The following TMPRSS9 variants were observed in gnomAD, a reference collection of about 807,000 sequenced individuals.
TMPRSS9 encodes transmembrane serine protease 9.
In TMPRSS9, 113 loss-of-function variants were observed where a neutral mutation model predicts 111.4. That is an observed-to-expected ratio of 1.01 (90% CI 0.87 to 1.19). TMPRSS9 has a LOEUF of 1.19. Among genes scored for constraint, TMPRSS9 ranks in the 50% most tolerant of loss-of-function variants. The probability of loss-of-function intolerance (pLI) is 0.00; values close to 1 mark genes in which losing one functional copy is unlikely to be tolerated. For missense variants in TMPRSS9, 1,803 were observed against 1,513.1 expected (o/e 1.19, Z -3.18); for synonymous variants, 805 against 659.1 (o/e 1.22, Z -3.39).
At position 2,374,248 on chromosome 19, in the gene TMPRSS9, CTTTTTTTTTTTTTTTTTTTTT is replaced by C. The variant is rs1027376774; in HGVS notation, c.-26+13905_-26+13925del. On this transcript the variant is annotated intron_variant, in intron 1 of 17. Transcript: ENST00000649857. ...TTTCATGCTGATTTCTCTCAACAAT[CTTTTTTTTTTTTTTTTTTTTT>C]TTTTTTTTTTTTTTTTAAAGAGGTA... 7.4e-4 allele frequency among the ~76,000 whole-genome samples: 52 copies of C among 70,430 alleles called. No individual in the cohort carries two copies. In the South Asian group the frequency reaches 0.022, roughly 30 times the overall value. 46.2% of individuals were successfully genotyped at this position (70,430 alleles called of 152,430 possible). A position where few individuals can be genotyped will look rare whatever the true frequency, so the allele number is the denominator to read the frequency against.
At chr19:2,415,276 C>T (rs1202629806) in intron 10 of TMPRSS9, among the ~76,000 whole-genome samples, 3 of 152,074 alleles carry the variant, frequency 2.0e-5, no homozygotes, top group Non-Finnish European at 4.4e-5. Context: ...ACACCCCACA[C>T]TCTGTTCCGA....
At chr19:2,380,598 CAAA>C (rs112276283) in intron 1 of TMPRSS9, among the ~76,000 whole-genome samples, 6 of 110,826 alleles carry the variant, frequency 5.4e-5, no homozygotes, top group Admixed American at 2.1e-4. Flanking sequence ...AAGACTCCAC[CAAA>C]AAAAAAAAAA....
chr19:2,367,242 A>G (rs1047150218), intron 1 of TMPRSS9, among the ~76,000 whole-genome samples: 1 of 152,198 alleles, frequency 6.6e-6, no homozygotes, highest in Admixed American at 6.6e-5. Context: ...AAAAACCACC[A>G]CATCTATAAC....
At chr19:2,387,472 T>G (rs1454659785), upstream of TMPRSS9, among the ~76,000 whole-genome samples, 2 of 147,622 alleles carry the variant, frequency 1.4e-5, no homozygotes, top group Admixed American at 1.4e-4. Flanking sequence ...TCCAGCCAGG[T>G]CAACAAGAGT....
intron 1 of TMPRSS9, among the ~76,000 whole-genome samples, chr19:2,363,081 C>T (rs1488472061): frequency 6.6e-6 from 1 of 152,208 alleles, no homozygotes; most frequent in Non-Finnish European, 1.5e-5. Context: ...CTCACGCCGC[C>T]TGCTTGTCCT....
chr19:2,365,621 C>CA (rs371800974), intron 1 of TMPRSS9, among the ~76,000 whole-genome samples: 10,943 of 131,032 alleles, frequency 0.084, 1,322 homozygotes, highest in African/African-American at 0.3. Context: ...AACAAACAAA[C>CA]AAAAAAAACA....
chr19:2,388,812 G>A (rs1053759584), upstream of TMPRSS9, among the ~76,000 whole-genome samples: 1 of 151,736 alleles, frequency 6.6e-6, no homozygotes, highest in African/African-American at 2.4e-5. Flanking sequence ...TTGTGGAGAT[G>A]GGGGTCTCAC....
exon 10 of TMPRSS9, chr19:2,413,760 A>G: frequency 6.2e-7 from 1 of 1,613,858 alleles, no homozygotes; most frequent in South Asian, 1.1e-5. Flanking sequence ...TCTGGCTGGC[A>G]TCGTGAGCTG....
chr19:2,368,625 G>A (rs1300930461), intron 1 of TMPRSS9, among the ~76,000 whole-genome samples: 1 of 152,088 alleles, frequency 6.6e-6, no homozygotes, highest in Non-Finnish European at 1.5e-5. Flanking sequence ...GAAGATGGAA[G>A]TGGCATTTTG....
At position 2,396,519 on chromosome 19, in the gene TMPRSS9, G is replaced by C; in HGVS notation, c.143-20G>C. On this transcript the variant is annotated intron_variant, in intron 1 of 17. Transcript: ENST00000648592. ...GCCCCCAAAGGTGGGCTCTCTCACG[G>C]GCCCTGGTCTCGTCCCCAGCCTTCC... is the stretch of plus-strand genomic sequence containing the variant. 6.3e-7 allele frequency: 1 copy of C among 1,582,712 alleles called. No individual in the cohort carries two copies. The highest frequency in any genetic ancestry group is 1.1e-5 in the South Asian group (1 of 87,540).
intron 4 of TMPRSS9, among the ~76,000 whole-genome samples, chr19:2,401,674 C>T (rs1475922674): frequency 6.7e-6 from 1 of 150,358 alleles, no homozygotes; most frequent in Non-Finnish European, 1.5e-5. Context: ...ATGGTGTGAT[C>T]TCGGCTCACT....
At chr19:2,395,141 G>A (rs1051706285) in intron 1 of TMPRSS9, among the ~76,000 whole-genome samples, 1 of 152,078 alleles carries the variant, frequency 6.6e-6, no homozygotes, top group Non-Finnish European at 1.5e-5. Flanking sequence ...ATTAACGCTG[G>A]GTGCAGTGGC....
At chr19:2,411,085 A>T (rs1284929031) in intron 9 of TMPRSS9, among the ~76,000 whole-genome samples, 1 of 151,868 alleles carries the variant, frequency 6.6e-6, no homozygotes, top group East Asian at 2.0e-4. Context: ...GGATCACTTG[A>T]GGTCAGGAGT....
chr19:2,411,381 CCTT>C (rs1000191486), intron 9 of TMPRSS9, among the ~76,000 whole-genome samples: 12 of 137,866 alleles, frequency 8.7e-5, no homozygotes, highest in Non-Finnish European at 1.2e-4. Flanking sequence ...ATACCTGGAA[CCTT>C]CTTTTTCTTC....
intron 13 of TMPRSS9, among the ~76,000 whole-genome samples, chr19:2,421,579 G>T (rs1371211441): frequency 1.3e-5 from 2 of 152,050 alleles, no homozygotes; most frequent in African/African-American, 4.8e-5. Flanking sequence ...GAGCCACCAC[G>T]CCTGGCCTTA....
Position 2,405,502 on chromosome 19 carries a change from A to C in TMPRSS9, c.799A>C (p.Ile267Leu), listed in dbSNP as rs1417654834. 2.5e-6 allele frequency: 4 copies of C among 1,602,886 alleles called. No individual in the cohort carries two copies. Among genetic ancestry groups the C allele is most frequent in the Non-Finnish European group, 3.4e-6 (4 of 1,176,008 alleles). Residue 267 changes from isoleucine (I) to leucine (L), a missense_variant, in exon 7 of 18, where the codon ATC (isoleucine) becomes CTC (leucine). Coordinates refer to ENST00000648592, the Ensembl canonical transcript of TMPRSS9. ...GGAGCACTTCTGTGGGGCCGCCATC[A>C]TCAACGCCAGGTGGCTGGTGTCTGC... is the stretch of plus-strand genomic sequence containing the variant.
intron 2 of TMPRSS9, 53 bp downstream of exon 3, chr19:2,396,719 C>T: frequency 6.4e-7 from 1 of 1,557,914 alleles, no homozygotes; most frequent in Non-Finnish European, 8.7e-7. Flanking sequence ...TGGCCGGGGG[C>T]TTTGACCTGG....
rs770603981 is a variant in TMPRSS9 at position 2,425,072 on chromosome 19, G to T, written c.2788G>T (p.Glu930Ter). ...CCTGAGCGGCGCGGAGGGGCAGCTG[G>T]AGCGCGTGGCGCGCATCTACAAGCA... Residue 930 changes from glutamate to a stop codon, truncating the protein, a stop_gained, in exon 16 of 18, where the codon GAG (glutamate) becomes TAG (stop). Coordinates refer to ENST00000648592, the Ensembl canonical transcript of TMPRSS9. LOFTEE classifies it high-confidence loss of function. 1.3e-5 allele frequency: 21 copies of T among 1,573,002 alleles called. No homozygotes were observed. In the African/African-American group the frequency reaches 2.8e-4, roughly 21 times the overall value.
chr19:2,406,074 G>GCA (rs1970963700), intron 7 of TMPRSS9, among the ~76,000 whole-genome samples: 1 of 141,176 alleles, frequency 7.1e-6, no homozygotes, highest in Non-Finnish European at 1.5e-5. Context: ...GCAGTGGCGT[G>GCA]ATCTCGGCTC....
Sources: gnomAD v4.1 joint callset for allele counts (sites outside exome capture counted in the v4.1 genomes callset) on GRCh38, gnomAD v4.1.1 for gene constraint, MANE v1.5 for transcripts, NCBI Gene and HGNC (gene_info 2026-07-23, HGNC 2026-07-21) for gene names.